The following GTF2A2 variants were observed in gnomAD, a reference collection of about 807,000 sequenced individuals.
GTF2A2 encodes transcription initiation factor IIA subunit 2.
A neutral mutation model predicts 14.3 loss-of-function variants in GTF2A2; 9 were observed. The ratio of observed to expected loss-of-function variants is 0.63; its 90% CI spans 0.38 to 1.10. The LOEUF is 1.10. GTF2A2 is among the 50% of genes least tolerant of loss of function. The pLI is 0.01. For synonymous variants in GTF2A2, 56 were observed against 46.0 expected, an observed-to-expected ratio of 1.22 and a Z score of -0.88; for missense variants, 90 against 124.6, an observed-to-expected ratio of 0.72 and a Z score of 1.32.
chr15:59,644,810 A>T (rs1196168003), intron 3 of GTF2A2, among the ~76,000 whole-genome samples: 1 of 152,212 alleles, frequency 6.6e-6, no homozygotes, highest in Non-Finnish European at 1.5e-5. Flanking sequence ...AGGAGGTCCT[A>T]AGATAAAGGA....
In GTF2A2 at chr15:59,640,738, G is replaced by A. The variant is rs142396338; in HGVS notation, c.304+1398C>T. ...TAAAAATAAATATAACAAGGGTTAC[G>A]AGGATGCTGTTACCTTAAATATGAA... On this transcript the variant is annotated intron_variant, in intron 4 of 4. Transcript: ENST00000396060. Among the ~76,000 whole-genome samples the A allele has an allele frequency of 8.2e-3, 1,246 of 152,170 alleles. 9 individuals carry two copies. Among genetic ancestry groups the A allele is most frequent in the Middle Eastern group, 0.041 (12 of 294 alleles).
Position 59,652,246 on chromosome 15 carries a change from A to T in GTF2A2, c.32T>A (p.Leu11Ter), listed in dbSNP as rs1312747006. ...TAGGCTCTCCTGAAGACTGTTTCCC[A>T]AAGTAGTATTTCTGTATAACTGATA... MAYQLYRNTT[L>*]GNSLQESLDE... The change falls in exon 2 of 5, where the codon TTG (leucine) becomes TAG (stop). Residue 11 changes from leucine to a stop codon, truncating the protein, a stop_gained. Transcript: ENST00000396060. LOFTEE classifies it high-confidence loss of function. 1 of 1,604,772 alleles carries T rather than the reference A, an allele frequency of 6.2e-7. No homozygotes were observed. Among genetic ancestry groups the T allele is most frequent in the Admixed American group, 1.7e-5 (1 of 59,850 alleles).
chr15:59,653,510 T>C (rs1054234870), intron 1 of GTF2A2, among the ~76,000 whole-genome samples: 17 of 152,202 alleles, frequency 1.1e-4, no homozygotes, highest in South Asian at 4.1e-4. Flanking sequence ...CTGGATACCA[T>C]TGTATTTTTT....
chr15:59,640,530 GAGTTA>G (rs1184215552), intron 4 of GTF2A2, among the ~76,000 whole-genome samples: 2 of 151,914 alleles, frequency 1.3e-5, no homozygotes, highest in Non-Finnish European at 2.9e-5. Context: ...TTAAAACATT[GAGTTA>G]AGTTCCTCAG....
At chr15:59,639,612 G>A (rs8033718) in intron 4 of GTF2A2, among the ~76,000 whole-genome samples, 5 of 151,254 alleles carry the variant, frequency 3.3e-5, no homozygotes, top group Admixed American at 2.0e-4. Context: ...ACAGGTGCCC[G>A]CCACCTCGCC....
At chr15:59,645,104 G>A (rs1490275490) in intron 3 of GTF2A2, among the ~76,000 whole-genome samples, 1 of 152,160 alleles carries the variant, frequency 6.6e-6, no homozygotes, top group Non-Finnish European at 1.5e-5. Context: ...TAAATATGGT[G>A]GGGTTGGGGG....
chr15:59,645,057 AGACTTTTAAAGTAG>A lies in GTF2A2; in HGVS notation c.178-2809_178-2796del, dbSNP rs1716943977. Among the ~76,000 whole-genome samples the A allele has an allele frequency of 2.6e-5, 4 of 152,290 alleles. No individual in the cohort carries two copies. In the South Asian group the frequency reaches 6.2e-4, roughly 24 times the overall value. On this transcript the variant is annotated intron_variant, in intron 3 of 4. Coordinates refer to ENST00000396060, the MANE Select transcript of GTF2A2 (RefSeq NM_004492.3). ...AGTAAAGGGATCAATAGAAATGGAG[AGACTTTTAAAGTAG>A]GACCGGTAGGAATGGACAACTATAA... is the stretch of plus-strand genomic sequence containing the variant.
At chr15:59,646,992 G>A (rs1891628335) in intron 3 of GTF2A2, among the ~76,000 whole-genome samples, 1 of 150,092 alleles carries the variant, frequency 6.7e-6, no homozygotes, top group South Asian at 2.1e-4. Context: ...TTATATATAT[G>A]TATATACTAT....
At chr15:59,654,582 G>A (rs1368583220) in intron 1 of GTF2A2, among the ~76,000 whole-genome samples, 2 of 152,204 alleles carry the variant, frequency 1.3e-5, no homozygotes, top group Non-Finnish European at 2.9e-5. Flanking sequence ...ACTGAAGACA[G>A]GGACTTCTGT....
At chr15:59,647,305 C>A (rs1351075341) in intron 3 of GTF2A2, among the ~76,000 whole-genome samples, 1 of 152,024 alleles carries the variant, frequency 6.6e-6, no homozygotes, top group Non-Finnish European at 1.5e-5. Flanking sequence ...CACTATATTT[C>A]GCAGACTGCT....
intron 3 of GTF2A2, among the ~76,000 whole-genome samples, chr15:59,644,719 G>C (rs1435607596): frequency 2.0e-5 from 3 of 152,204 alleles, no homozygotes; most frequent in East Asian, 1.9e-4. Context: ...GAATAAGTAA[G>C]AGTCAATGGA....
At chr15:59,650,370 T>C (rs576373932) in intron 3 of GTF2A2, among the ~76,000 whole-genome samples, 2 of 152,314 alleles carry the variant, frequency 1.3e-5, no homozygotes, top group African/African-American at 4.8e-5. Context: ...ATCCTGCAGA[T>C]AATATTTCAG....
At chr15:59,641,817 T>G (rs1311865297) in intron 4 of GTF2A2, among the ~76,000 whole-genome samples, 2 of 152,198 alleles carry the variant, frequency 1.3e-5, no homozygotes, top group Non-Finnish European at 2.9e-5. Flanking sequence ...AAATTATTCC[T>G]TAAAGTAAAA....
At chr15:59,646,441 C>G (rs79854290) in intron 3 of GTF2A2, among the ~76,000 whole-genome samples, 1 of 152,184 alleles carries the variant, frequency 6.6e-6, no homozygotes, top group East Asian at 1.9e-4. Flanking sequence ...TCATATCATT[C>G]TTATGCCTTT....
Position 59,639,116 on chromosome 15 carries a change from G to C in GTF2A2, c.*16C>G, listed in dbSNP as rs561590300. 11 of 1,377,428 alleles carry C rather than the reference G, an allele frequency of 8.0e-6. No homozygotes were observed. The South Asian group carries it at 1.3e-4, about 16-fold the overall frequency. The allele number at this position is 1,377,428 out of a possible 1,614,324, so 85.3% of individuals were successfully genotyped here. ...GAATAACAGAAGATGGTGTAAAAAA[G>C]TCATATTTTTTCTATTCATTCTGTA... On this transcript the variant is annotated 3_prime_UTR_variant, in exon 5 of 5. Transcript: ENST00000396060.
At chr15:59,645,904 G>A (rs545699457) in intron 3 of GTF2A2, among the ~76,000 whole-genome samples, 12 of 151,994 alleles carry the variant, frequency 7.9e-5, no homozygotes, top group Admixed American at 2.6e-4. Context: ...CATGATGGTG[G>A]GTGCCTGTAA....
intron 4 of GTF2A2, among the ~76,000 whole-genome samples, chr15:59,641,842 C>CTGAT (rs1891439187): frequency 6.6e-6 from 1 of 152,116 alleles, no homozygotes; most frequent in Non-Finnish European, 1.5e-5. Flanking sequence ...TCTGAAAAGC[C>CTGAT]TGATAAACAC....
intron 4 of GTF2A2, among the ~76,000 whole-genome samples, chr15:59,640,745 C>T (rs769992332): frequency 1.3e-5 from 2 of 152,046 alleles, no homozygotes; most frequent in African/African-American, 4.8e-5. Context: ...TACGAGGATG[C>T]TGTTACCTTA....
In GTF2A2 at chr15:59,642,248, C is replaced by T. The variant is rs370188854; in HGVS notation, c.192G>A (p.Thr64=). The change falls in exon 4 of 5, where the codon ACG becomes ACA. Residue 64 remains threonine, a synonymous_variant. Transcript: ENST00000396060. ...NRVNFRGSLN[T]YRFCDNVWTF... Reference sequence around the variant, plus strand: ...TCCACACATTATCGCAGAATCTGTACGTATTTAGAGAGCCCTTTAAAACAA... The same window carrying T: ...TCCACACATTATCGCAGAATCTGTATGTATTTAGAGAGCCCTTTAAAACAA... The T allele has an allele frequency of 6.9e-5, 111 of 1,606,606 alleles. No individual in the cohort carries two copies. The highest frequency in any genetic ancestry group is 4.8e-4 in the African/African-American group (36 of 74,676).
Sources: allele counts gnomAD v4.1 joint callset (sites outside exome capture counted in the v4.1 genomes callset), GRCh38; gene constraint gnomAD v4.1.1; transcripts MANE v1.5; gene names NCBI Gene and HGNC (gene_info 2026-07-23, HGNC 2026-07-21).